The following DPP6 variants were observed in gnomAD, a reference collection of about 807,000 sequenced individuals.
DPP6 encodes the protein dipeptidyl peptidase like 6, also known as A-type potassium channel modulatory protein DPP6.
In DPP6, 69 loss-of-function variants were observed where a neutral mutation model predicts 122.6. The ratio of observed to expected loss-of-function variants is 0.56; its 90% CI spans 0.46 to 0.69. The LOEUF (loss-of-function observed/expected upper bound fraction) is 0.69, where lower values mean the gene tolerates loss of function less well. DPP6 is among the 30% of genes least tolerant of loss of function. DPP6 has a pLI of 0.00. For synonymous variants in DPP6, 418 were observed against 433.1 expected (o/e 0.97, Z 0.43); for missense variants, 928 against 1,116.9 (o/e 0.83, Z 2.41).
At chr7:153,989,988 C>A (rs1317203511) in intron 1 of DPP6, among the ~76,000 whole-genome samples, 1 of 139,180 alleles carries the variant, frequency 7.2e-6, no homozygotes, top group African/African-American at 2.7e-5. Context: ...AGCTCACCCC[C>A]CTGCCAGCCT....
the DPP6 span, among the ~76,000 whole-genome samples, chr7:153,836,609 A>T: frequency 1.3e-5 from 2 of 152,200 alleles, no homozygotes; most frequent in African/African-American, 4.8e-5. Flanking sequence ...CAGTTTGTAG[A>T]AACATAGTCA....
intron 1 of DPP6, among the ~76,000 whole-genome samples, chr7:154,272,812 G>A (rs1803880770): frequency 6.6e-6 from 1 of 152,090 alleles, no homozygotes; most frequent in Non-Finnish European, 1.5e-5. Context: ...TTCTCATGCT[G>A]TGTCAAACCT....
chr7:154,632,480 C>T (rs1835466083), intron 5 of DPP6, among the ~76,000 whole-genome samples: 1 of 152,158 alleles, frequency 6.6e-6, no homozygotes, highest in African/African-American at 2.4e-5. Context: ...ACTACATTTT[C>T]AACTCAGCTT....
intron 1 of DPP6, among the ~76,000 whole-genome samples, chr7:154,304,456 G>A (rs932587077): frequency 6.6e-6 from 1 of 152,206 alleles, no homozygotes; most frequent in African/African-American, 2.4e-5. Context: ...GCCTCAGGCA[G>A]GGAGTGCTGG....
At chr7:154,746,471 C>A (rs1403985612) in intron 8 of DPP6, among the ~76,000 whole-genome samples, 1 of 152,188 alleles carries the variant, frequency 6.6e-6, no homozygotes, top group East Asian at 1.9e-4. Flanking sequence ...TCACCCCCAG[C>A]TTGATTGTAC....
At chr7:154,861,760 A>G (rs1358708460) in intron 17 of DPP6, among the ~76,000 whole-genome samples, 1 of 152,190 alleles carries the variant, frequency 6.6e-6, no homozygotes, top group Non-Finnish European at 1.5e-5. Flanking sequence ...CACTCAGTTC[A>G]TGAGCACACC....
At chr7:153,924,301 G>A (rs542606655) in intron 1 of DPP6, among the ~76,000 whole-genome samples, 4 of 152,112 alleles carry the variant, frequency 2.6e-5, no homozygotes, top group Non-Finnish European at 5.9e-5. Context: ...TAGAGACGAG[G>A]TTTCACCATT....
intron 7 of DPP6, among the ~76,000 whole-genome samples, chr7:154,675,567 C>T (rs1838848469): frequency 6.6e-6 from 1 of 152,156 alleles, no homozygotes; most frequent in East Asian, 1.9e-4. Context: ...CATGTACTTT[C>T]CTGTCATTCT....
chr7:154,127,685 T>C (rs1488385956), intron 1 of DPP6, among the ~76,000 whole-genome samples: 1 of 143,088 alleles, frequency 7.0e-6, no homozygotes, highest in African/African-American at 2.9e-5. Flanking sequence ...ACAAAACAGC[T>C]CTTTCTGAGG....
At chr7:154,836,693 T>G (rs1175421502) in intron 16 of DPP6, among the ~76,000 whole-genome samples, 1 of 152,176 alleles carries the variant, frequency 6.6e-6, no homozygotes. Flanking sequence ...GGGTGAATTT[T>G]ATTTATTTTG....
At chr7:154,513,236 A>G (rs191911334) in intron 3 of DPP6, among the ~76,000 whole-genome samples, 84 of 152,230 alleles carry the variant, frequency 5.5e-4, no homozygotes, top group Non-Finnish European at 9.7e-4. Flanking sequence ...ATTTTAGTCA[A>G]CCTGAAACCA....
chr7:153,981,428 A>G (rs924183247), intron 1 of DPP6, among the ~76,000 whole-genome samples: 6 of 152,086 alleles, frequency 3.9e-5, no homozygotes, highest in African/African-American at 9.7e-5. Flanking sequence ...TTTTAAGCCT[A>G]TGTGTGTCTC....
chr7:154,621,746 C>G (rs1016819914), intron 5 of DPP6, among the ~76,000 whole-genome samples: 1 of 152,158 alleles, frequency 6.6e-6, no homozygotes. Context: ...ATGCCCTTCT[C>G]TTGGTTTCTC....
At chr7:154,558,578 G>T (rs560610750) in intron 4 of DPP6, among the ~76,000 whole-genome samples, 55 of 152,212 alleles carry the variant, frequency 3.6e-4, no homozygotes, top group African/African-American at 1.3e-3. Context: ...TTTATGTTTA[G>T]ATATTTTTAG....
the DPP6 span, among the ~76,000 whole-genome samples, chr7:153,759,885 C>T: frequency 6.6e-6 from 1 of 151,938 alleles, no homozygotes; most frequent in Non-Finnish European, 1.5e-5. Context: ...AAATATTTCC[C>T]TGCTTCCACT....
intron 1 of DPP6, among the ~76,000 whole-genome samples, chr7:154,164,258 T>G (rs1039316170): frequency 7.3e-6 from 1 of 136,802 alleles, no homozygotes; most frequent in Non-Finnish European, 1.6e-5. Context: ...CTCCTTCTCT[T>G]TCCCTCTCTC....
At chr7:154,298,782 ACT>A (rs1483574019) in intron 1 of DPP6, among the ~76,000 whole-genome samples, 17 of 152,068 alleles carry the variant, frequency 1.1e-4, no homozygotes, top group Admixed American at 7.2e-4. Context: ...CCAAGAGGAA[ACT>A]CTTCCTCTCG....
chr7:154,161,006 G>T (rs1392996875), intron 1 of DPP6, among the ~76,000 whole-genome samples: 1 of 152,132 alleles, frequency 6.6e-6, no homozygotes, highest in Non-Finnish European at 1.5e-5. Context: ...ACCAGCAGTG[G>T]CAGGTCTACT....
At chr7:154,735,529 G>A (rs1842532968) in intron 8 of DPP6, among the ~76,000 whole-genome samples, 1 of 152,196 alleles carries the variant, frequency 6.6e-6, no homozygotes, top group Non-Finnish European at 1.5e-5. Flanking sequence ...GCAGGAGTCT[G>A]AATGCTTTGG....
Sources: allele counts gnomAD v4.1 joint callset (sites outside exome capture counted in the v4.1 genomes callset), GRCh38; gene constraint gnomAD v4.1.1; transcripts MANE v1.5; gene names NCBI Gene and HGNC (gene_info 2026-07-23, HGNC 2026-07-21).